The following EYS variants were observed in gnomAD, a reference collection of about 807,000 sequenced individuals.
EYS encodes protein eyes shut homolog.
In EYS, 250 loss-of-function variants were observed where a neutral mutation model predicts 282.1. That is an observed-to-expected ratio of 0.89 (90% CI 0.80 to 0.98). The LOEUF is 0.98. EYS is among the 50% of genes least tolerant of loss of function. The pLI is 0.00. For synonymous variants in EYS, 1,355 were observed against 1,282.9 expected, an observed-to-expected ratio of 1.06 and a Z score of -1.20; for missense variants, 4,016 against 3,709.0, an observed-to-expected ratio of 1.08 and a Z score of -2.15.
chr6:63,796,975 A>C (rs1396008134), intron 37 of EYS, among the ~76,000 whole-genome samples: 2 of 152,220 alleles, frequency 1.3e-5, no homozygotes, highest in Non-Finnish European at 2.9e-5. Context: ...TTGCTTACAG[A>C]ATGGCGCTTG....
intron 29 of EYS, among the ~76,000 whole-genome samples, chr6:64,385,884 G>A (rs1772892348): frequency 1.3e-5 from 2 of 152,136 alleles, no homozygotes; most frequent in South Asian, 4.1e-4. Flanking sequence ...TGGTTCTTGT[G>A]ACATTTTTTT....
chr6:65,094,243 G>A (rs1774660193), intron 12 of EYS, among the ~76,000 whole-genome samples: 1 of 148,534 alleles, frequency 6.7e-6, no homozygotes, highest in African/African-American at 2.5e-5. Context: ...TTATATGAAG[G>A]GAGAAACAGA....
chr6:63,956,193 A>C (rs1040816921), intron 35 of EYS, among the ~76,000 whole-genome samples: 2 of 152,170 alleles, frequency 1.3e-5, no homozygotes, highest in Non-Finnish European at 2.9e-5. Flanking sequence ...GCATGTGTAC[A>C]TCCAGATGGC....
At chr6:64,016,679 C>T (rs1353332685) in intron 33 of EYS, among the ~76,000 whole-genome samples, 1 of 151,900 alleles carries the variant, frequency 6.6e-6, no homozygotes, top group Admixed American at 6.6e-5. Context: ...TCTCATTATG[C>T]TGCCAAGGCT....
chr6:65,668,836 C>A (rs1276578588), intron 1 of EYS, among the ~76,000 whole-genome samples: 2 of 151,904 alleles, frequency 1.3e-5, no homozygotes, highest in African/African-American at 2.4e-5. Context: ...AGCCAATAAA[C>A]CACAGTGTAA....
chr6:65,174,002 A>C (rs748271037), intron 12 of EYS, among the ~76,000 whole-genome samples: 2 of 151,218 alleles, frequency 1.3e-5, no homozygotes, highest in Non-Finnish European at 1.5e-5. Context: ...AAGGACTCTG[A>C]CTTCATAAAG....
intron 22 of EYS, among the ~76,000 whole-genome samples, chr6:64,812,965 T>G (rs903596203): frequency 6.6e-6 from 1 of 152,056 alleles, no homozygotes; most frequent in Non-Finnish European, 1.5e-5. Flanking sequence ...AATAAAATTT[T>G]TATAACCTAT....
chr6:65,362,533 T>C (rs545782929), intron 8 of EYS, among the ~76,000 whole-genome samples: 1 of 150,016 alleles, frequency 6.7e-6, no homozygotes, highest in African/African-American at 2.4e-5. Context: ...ATACATTACA[T>C]ATATGCATAT....
intron 12 of EYS, among the ~76,000 whole-genome samples, chr6:65,238,757 T>C (rs879377686): frequency 1.3e-5 from 2 of 151,966 alleles, no homozygotes; most frequent in Non-Finnish European, 2.9e-5. Context: ...TCTTATTCAA[T>C]GGCAAAAGGT....
At chr6:65,256,293 AG>A (rs1210318056) in intron 12 of EYS, among the ~76,000 whole-genome samples, 1 of 146,522 alleles carries the variant, frequency 6.8e-6, no homozygotes, top group Non-Finnish European at 1.5e-5. Flanking sequence ...TTTTAATTAA[AG>A]TTTTAGGGTA....
chr6:64,748,225 A>G (rs1772619013), intron 22 of EYS, among the ~76,000 whole-genome samples: 1 of 152,246 alleles, frequency 6.6e-6, no homozygotes, highest in Admixed American at 6.5e-5. Context: ...TAAATGTAAT[A>G]ATAAACACAC....
intron 2 of EYS, among the ~76,000 whole-genome samples, chr6:65,512,001 A>G (rs1409868128): frequency 4.0e-4 from 56 of 139,384 alleles, no homozygotes; most frequent in African/African-American, 1.4e-3. Context: ...AAAAAAAAAA[A>G]AAAAAAAGAA....
chr6:63,789,413 C>T (rs1185498652), intron 37 of EYS, among the ~76,000 whole-genome samples, 189 bp from the exon 38 acceptor site: 2 of 152,096 alleles, frequency 1.3e-5, no homozygotes, highest in Non-Finnish European at 2.9e-5. Flanking sequence ...AACAGAGCAC[C>T]AAGAGTTTAT....
At chr6:65,686,217 A>G (rs1769008098) in intron 1 of EYS, among the ~76,000 whole-genome samples, 1 of 152,044 alleles carries the variant, frequency 6.6e-6, no homozygotes, top group Admixed American at 6.6e-5. Context: ...TTTAGACTGT[A>G]TCAGAGCCCA....
chr6:65,293,346 A>G (rs1768578786), intron 12 of EYS, among the ~76,000 whole-genome samples: 1 of 151,810 alleles, frequency 6.6e-6, no homozygotes, highest in Non-Finnish European at 1.5e-5. Flanking sequence ...TTATAACCTG[A>G]AAAAACACAT....
chr6:64,648,985 A>T (rs1422800404), intron 22 of EYS, among the ~76,000 whole-genome samples: 1 of 152,132 alleles, frequency 6.6e-6, no homozygotes, highest in East Asian at 1.9e-4. Context: ...GTTCAGGAAA[A>T]ACTTGTAGGC....
At chr6:64,203,062 C>T (rs1018715701) in intron 31 of EYS, among the ~76,000 whole-genome samples, 6 of 152,102 alleles carry the variant, frequency 3.9e-5, no homozygotes, top group Admixed American at 1.3e-4. Flanking sequence ...TAAGGTGGCA[C>T]GACAAGAGTT....
At chr6:63,848,075 C>G (rs1226928503) in intron 36 of EYS, among the ~76,000 whole-genome samples, 1 of 152,092 alleles carries the variant, frequency 6.6e-6, no homozygotes, top group African/African-American at 2.4e-5. Context: ...TTGGTTTAGG[C>G]TGAAATGACC....
In EYS at chr6:64,023,521, C is replaced by A. The variant is rs111316723; in HGVS notation, c.6726-24338G>T. On this transcript the variant is annotated intron_variant, in intron 33 of 42. Coordinates refer to ENST00000503581, the MANE Select transcript of EYS (RefSeq NM_001142800.2). ...ATTGTACGGTGTAAAATGGCATGGT[C>A]TCGATTTTTCCACAGCTTCACCAAC... is the stretch of plus-strand genomic sequence containing the variant. Among the ~76,000 whole-genome samples, 176 of 152,328 alleles carry A rather than the reference C, an allele frequency of 1.2e-3. 7 individuals carry two copies. In the East Asian group the frequency reaches 0.03, roughly 26 times the overall value.
Sources: allele counts gnomAD v4.1 joint callset (sites outside exome capture counted in the v4.1 genomes callset), GRCh38; gene constraint gnomAD v4.1.1; transcripts MANE v1.5; gene names NCBI Gene and HGNC (gene_info 2026-07-23, HGNC 2026-07-21).